The following PLCB1 variants were observed in gnomAD, a reference collection of about 807,000 sequenced individuals.
The protein encoded by PLCB1 is 1-phosphatidylinositol 4,5-bisphosphate phosphodiesterase beta-1.
Under a neutral mutation model 161.8 loss-of-function variants are expected in PLCB1, and 46 were observed. The ratio of observed to expected loss-of-function variants is 0.28; its 90% confidence interval spans 0.22 to 0.36. PLCB1 has a LOEUF of 0.36. Among genes scored for constraint, PLCB1 ranks in the 10% least tolerant of loss-of-function variants. PLCB1 has a pLI of 1.00. For synonymous variants in PLCB1, 517 were observed against 503.7 expected, an observed-to-expected ratio of 1.03 and a Z score of -0.35; for missense variants, 1,016 against 1,472.5, an observed-to-expected ratio of 0.69 and a Z score of 5.07.
intron 2 of PLCB1, among the ~76,000 whole-genome samples, chr20:8,152,488 AT>A (rs2051519485): frequency 6.6e-6 from 1 of 152,016 alleles, no homozygotes; most frequent in Non-Finnish European, 1.5e-5. Flanking sequence ...TTTAGTGGGG[AT>A]TTTTTTGCAT....
chr20:8,765,605 A>T (rs1449133924), intron 26 of PLCB1, among the ~76,000 whole-genome samples: 2 of 152,168 alleles, frequency 1.3e-5, no homozygotes, highest in Non-Finnish European at 2.9e-5. Context: ...TCCCAATTCC[A>T]GTTAACTAAC....
chr20:8,150,418 C>A, intron 2 of PLCB1, 47 bp downstream of exon 2: 1 of 821,856 alleles, frequency 1.2e-6, no homozygotes, highest in Non-Finnish European at 2.0e-6. Flanking sequence ...TCGTTTACTA[C>A]TTTGAAAAGT....
chr20:8,275,569 G>C (rs1005289748), intron 2 of PLCB1, among the ~76,000 whole-genome samples: 1 of 152,134 alleles, frequency 6.6e-6, no homozygotes, highest in Non-Finnish European at 1.5e-5. Flanking sequence ...AGAAATTTCT[G>C]TTATTTTCTT....
intron 3 of PLCB1, among the ~76,000 whole-genome samples, chr20:8,483,484 G>C (rs1406339440): frequency 6.6e-6 from 1 of 152,118 alleles, no homozygotes; most frequent in Non-Finnish European, 1.5e-5. Flanking sequence ...TTTTATAGTT[G>C]ACATTGTTTA....
intron 3 of PLCB1, among the ~76,000 whole-genome samples, chr20:8,481,981 T>G (rs761215082): frequency 3.3e-5 from 5 of 152,170 alleles, no homozygotes; most frequent in Non-Finnish European, 5.9e-5. Context: ...AATAGTGATG[T>G]GAATTTTCAT....
In PLCB1 at chr20:8,620,747, C is replaced by CAAAA. The variant is rs779029928; in HGVS notation, c.247-7528_247-7525dup. 2.1e-3 allele frequency among the ~76,000 whole-genome samples: 159 copies of CAAAA among 75,106 alleles called. 1 individual carries two copies. The highest frequency in any genetic ancestry group is 6.9e-3 in the African/African-American group (127 of 18,510). 49.3% of individuals were successfully genotyped at this position (75,106 alleles called of 152,430 possible). ...GAGAAACTCTGTCCCCTGCCCCCAC[C>CAAAA]AAAAAAAAAAAAAAAAAAAAAAGAA... On this transcript the variant is annotated intron_variant, in intron 3 of 31. Transcript: ENST00000338037.
At chr20:8,392,519 T>C (rs1436981044) in intron 3 of PLCB1, among the ~76,000 whole-genome samples, 1 of 152,146 alleles carries the variant, frequency 6.6e-6, no homozygotes, top group Non-Finnish European at 1.5e-5. Flanking sequence ...ATACCATCTT[T>C]TAGGAATCTC....
chr20:8,578,713 C>A (rs553130900), intron 3 of PLCB1, among the ~76,000 whole-genome samples: 1 of 152,150 alleles, frequency 6.6e-6, no homozygotes. Flanking sequence ...CATTACCATT[C>A]GGGGTCATTA....
chr20:8,758,220 G>GA (rs1981836778), intron 24 of PLCB1, among the ~76,000 whole-genome samples: 1 of 141,018 alleles, frequency 7.1e-6, no homozygotes, highest in Non-Finnish European at 1.6e-5. Context: ...TCATGGGAGA[G>GA]AAAGAGAATT....
intron 3 of PLCB1, among the ~76,000 whole-genome samples, chr20:8,392,512 C>G (rs983711717): frequency 6.6e-6 from 1 of 152,068 alleles, no homozygotes; most frequent in African/African-American, 2.4e-5. Flanking sequence ...TAGAGTCATA[C>G]CATCTTTTAG....
intron 3 of PLCB1, among the ~76,000 whole-genome samples, chr20:8,546,917 A>G (rs1000214065): frequency 6.6e-6 from 1 of 152,124 alleles, no homozygotes; most frequent in African/African-American, 2.4e-5. Flanking sequence ...ACTTTGCCTT[A>G]TCTCTGCTCT....
intron 31 of PLCB1, among the ~76,000 whole-genome samples, chr20:8,808,127 G>A (rs1335825692): frequency 6.6e-6 from 1 of 152,206 alleles, no homozygotes; most frequent in Non-Finnish European, 1.5e-5. Context: ...TTGTGGAACT[G>A]TATGTAATTT....
At chr20:8,249,594 C>G (rs755340364) in intron 2 of PLCB1, 2 of 151,912 alleles carry the variant, frequency 1.3e-5, no homozygotes, top group Non-Finnish European at 2.9e-5. Flanking sequence ...CATCCTTTAA[C>G]TCTTATTGTG....
chr20:8,467,256 C>G (rs1981863214), intron 3 of PLCB1, among the ~76,000 whole-genome samples: 1 of 152,088 alleles, frequency 6.6e-6, no homozygotes. Flanking sequence ...TCTTTATCTT[C>G]AAGAACATAT....
chr20:8,436,495 G>A (rs541589276), intron 3 of PLCB1, among the ~76,000 whole-genome samples: 4 of 149,938 alleles, frequency 2.7e-5, no homozygotes, highest in East Asian at 1.9e-4. Context: ...GACTATGTGG[G>A]AAGAGATTGT....
rs191831474 is a variant in PLCB1, at chr20:8,804,075, G to A, written c.3423+13814G>A. On this transcript the variant is annotated intron_variant, in intron 31 of 31. Coordinates refer to ENST00000338037, the MANE Select transcript of PLCB1 (RefSeq NM_015192.4). ...CCCAAAGTGCTGGGATTACACGTGTGAGCCACGGTGCCTGGCCTGCCCTGG... is the reference window on the plus strand; with the variant it reads ...CCCAAAGTGCTGGGATTACACGTGTAAGCCACGGTGCCTGGCCTGCCCTGG... Among the ~76,000 whole-genome samples, 97 of 152,014 alleles carry A rather than the reference G, an allele frequency of 6.4e-4. 2 individuals carry two copies. The East Asian group carries it at 0.018, about 28-fold the overall frequency.
chr20:8,324,412 T>C (rs1985059808), intron 2 of PLCB1, among the ~76,000 whole-genome samples: 1 of 152,204 alleles, frequency 6.6e-6, no homozygotes, highest in South Asian at 2.1e-4. Flanking sequence ...AGGCTTTGTA[T>C]AGAGAGAGTA....
intron 3 of PLCB1, among the ~76,000 whole-genome samples, chr20:8,384,363 C>G (rs1042352806): frequency 6.6e-6 from 1 of 151,872 alleles, no homozygotes; most frequent in Non-Finnish European, 1.5e-5. Flanking sequence ...CTGTATTTTT[C>G]AGCTCCATCA....
intron 3 of PLCB1, among the ~76,000 whole-genome samples, chr20:8,419,536 CGA>C (rs1174131910): frequency 6.6e-6 from 1 of 151,986 alleles, no homozygotes; most frequent in African/African-American, 2.4e-5. Context: ...CAATAAGTTG[CGA>C]GAGATATTCA....
Sources: allele counts gnomAD v4.1 joint callset (sites outside exome capture counted in the v4.1 genomes callset), GRCh38; gene constraint gnomAD v4.1.1; transcripts MANE v1.5; gene names NCBI Gene and HGNC (gene_info 2026-07-23, HGNC 2026-07-21).